CSAD: variants seen among roughly 807,000 people sequenced by gnomAD.
CSAD encodes the protein P-selectin cytoplasmic tail-associated protein.
Under a neutral mutation model 61.5 loss-of-function variants are expected in CSAD, and 47 were observed. That is an observed-to-expected ratio of 0.76 (90% CI 0.60 to 0.97). CSAD has a LOEUF of 0.97. CSAD is among the 50% of genes least tolerant of loss of function. The pLI is 0.00. For missense variants in CSAD, 611 were observed against 643.6 expected, an observed-to-expected ratio of 0.95 and a Z score of 0.55; for synonymous variants, 245 against 252.7, an observed-to-expected ratio of 0.97 and a Z score of 0.29.
chr12:53,180,394 C>T (rs1941484219), intron 1 of CSAD: 4 of 985,358 alleles, frequency 4.1e-6, no homozygotes. Flanking sequence ...GGAGTCTGAA[C>T]CAGCTCACCC....
chr12:53,160,953 A>T (rs1170341063), intron 12 of CSAD, 109 bp from the exon 13 acceptor site: 2 of 1,180,960 alleles, frequency 1.7e-6, no homozygotes, highest in East Asian at 5.1e-5. Flanking sequence ...TCTCACCCTC[A>T]CCCCAGCATC....
chr12:53,175,554 G>C (rs1207381538), intron 2 of CSAD, among the ~76,000 whole-genome samples: 9 of 152,048 alleles, frequency 5.9e-5, no homozygotes, highest in African/African-American at 1.7e-4. Context: ...TACTCTCCTG[G>C]GTGGAGAGAA....
At chr12:53,159,486 C>G (rs957802403) in intron 16 of CSAD, 137 bp downstream of exon 16, 5 of 688,064 alleles carry the variant, frequency 7.3e-6, no homozygotes, top group Admixed American at 2.7e-5. Context: ...CCACCCCTAC[C>G]GAAAAGAGAG....
At chr12:53,158,756 C>A in intron 16 of CSAD, 72 bp from the exon 17 acceptor site, 3 of 1,454,654 alleles carry the variant, frequency 2.1e-6, no homozygotes, top group Middle Eastern at 2.2e-4. Context: ...TCTTGTCCTG[C>A]CAGGCTTCCA....
Position 53,161,378 on chromosome 12 carries a change from C to T in CSAD, c.714G>A (p.Pro238=), listed in dbSNP as rs770830302. 16 of 1,612,694 alleles carry T rather than the reference C, an allele frequency of 9.9e-6. 1 individual carries two copies. Among genetic ancestry groups the T allele is most frequent in the South Asian group, 6.6e-5 (6 of 91,048 alleles). The change falls in exon 11 of 17, where the codon CCG becomes CCA. Residue 238 remains proline (P), a synonymous_variant. Coordinates refer to ENST00000444623, the MANE Select transcript of CSAD (RefSeq NM_001244705.2). ...IGMAEAEGAV[P]FLVSATSGTT... The stretch of plus-strand genomic sequence containing the variant: ...TGCCAGAGGTGGCACTGACCAGGAA[C>T]GGCACAGCACCCTGTTGCCAAAATG...
intron 6 of CSAD, 133 bp from the exon 7 acceptor site, chr12:53,172,121 T>C: frequency 2.7e-6 from 2 of 732,034 alleles, no homozygotes; most frequent in Non-Finnish European, 4.6e-6. Context: ...GAAGAACGAG[T>C]TGGTGACAGA....
At chr12:53,174,896 C>T (rs1360755120) in intron 2 of CSAD, among the ~76,000 whole-genome samples, 1 of 152,190 alleles carries the variant, frequency 6.6e-6, no homozygotes, top group Non-Finnish European at 1.5e-5. Flanking sequence ...GGTTTCCCAA[C>T]TCCTCAATCC....
At chr12:53,160,027 C>T (rs1225313799) in intron 14 of CSAD, 89 bp from the exon 15 acceptor site, 7 of 1,601,600 alleles carry the variant, frequency 4.4e-6, no homozygotes, top group East Asian at 4.5e-5. Flanking sequence ...CACAGAGAGA[C>T]CGAGAGAAAA....
chr12:53,172,786 TG>T, intron 4 of CSAD, 138 bp from the exon 5 acceptor site: 1 of 995,622 alleles, frequency 1.0e-6, no homozygotes, highest in East Asian at 2.6e-5. Context: ...ACTCTGAAAA[TG>T]AACAAGAGTA....
chr12:53,160,014 A>G, intron 14 of CSAD, 76 bp from the exon 15 acceptor site: 5 of 1,595,230 alleles, frequency 3.1e-6, no homozygotes, highest in Non-Finnish European at 4.3e-6. Context: ...ACGTAGAATG[A>G]GCCACAGAGA....
chr12:53,160,656 G>T, intron 13 of CSAD, 107 bp downstream of exon 13: 1 of 971,878 alleles, frequency 1.0e-6, no homozygotes, highest in Non-Finnish European at 1.6e-6. Flanking sequence ...GCTTCAGAAG[G>T]GATGGTAAAG....
chr12:53,169,880 C>T (rs541710220), intron 10 of CSAD, among the ~76,000 whole-genome samples, 192 bp downstream of exon 10: 24 of 152,286 alleles, frequency 1.6e-4, no homozygotes, highest in East Asian at 3.9e-4. Context: ...TCCAACCCGG[C>T]GTAGGTGTCT....
At chr12:53,170,916 T>TC (rs1940499505) in intron 8 of CSAD, 1 of 376,776 alleles carries the variant, frequency 2.7e-6, no homozygotes, top group East Asian at 6.9e-5. Flanking sequence ...AGAGGGGGTT[T>TC]CACTATGTTT....
Position 53,180,888 on chromosome 12 carries a change from T to C in CSAD, c.-247A>G. On this transcript the variant is annotated 5_prime_UTR_variant, in exon 1 of 17. Coordinates refer to ENST00000444623, the MANE Select transcript of CSAD (RefSeq NM_001244705.2). Reference sequence around the variant, plus strand: ...GCGTCGTCCGTACAGACGGCAGCGCTTCAGTAGCTCGCAAGCCGTGGGGTG... The same window carrying C: ...GCGTCGTCCGTACAGACGGCAGCGCCTCAGTAGCTCGCAAGCCGTGGGGTG... 2 of 1,168,724 alleles carry C rather than the reference T, an allele frequency of 1.7e-6. No homozygotes were observed. Among genetic ancestry groups the C allele is most frequent in the Non-Finnish European group, 2.2e-6 (2 of 924,718 alleles). The allele number at this position is 1,168,724 out of a possible 1,614,324, so 72.4% of individuals were successfully genotyped here.
At chr12:53,179,903 C>A in intron 1 of CSAD, 1 of 1,608,788 alleles carries the variant, frequency 6.2e-7, no homozygotes, top group Non-Finnish European at 8.5e-7. Flanking sequence ...GTCTGGTTTC[C>A]ATTTTCCTAA....
Position 53,180,834 on chromosome 12 carries a change from G to A in CSAD, c.-193C>T. 2 of 1,271,262 alleles carry A rather than the reference G, an allele frequency of 1.6e-6. No homozygotes were observed. The highest frequency in any genetic ancestry group is 6.5e-5 in the East Asian group (1 of 15,346). The allele number at this position is 1,271,262 out of a possible 1,614,324, so 78.7% of individuals were successfully genotyped here. On this transcript the variant is annotated 5_prime_UTR_variant, in exon 1 of 17. Coordinates refer to ENST00000444623, the MANE Select transcript of CSAD (RefSeq NM_001244705.2). ...GGGAGCCAGCGGGAGGCCGCGCCTGGCAGGTAGGAGCAAGCCCCAAAGACC... is the reference window on the plus strand; with the variant it reads ...GGGAGCCAGCGGGAGGCCGCGCCTGACAGGTAGGAGCAAGCCCCAAAGACC...
chr12:53,181,334 G>T, upstream of CSAD: 1 of 985,442 alleles, frequency 1.0e-6, no homozygotes. Flanking sequence ...CCCTAGTCTT[G>T]CCGCCTCTGT....
intron 15 of CSAD, 36 bp downstream of exon 15, chr12:53,159,851 C>A: frequency 6.4e-7 from 1 of 1,570,760 alleles, no homozygotes; most frequent in Middle Eastern, 1.7e-4. Context: ...AAGAGCTAGG[C>A]TGGGGCAGGG....
In CSAD at chr12:53,160,751, G is replaced by A. The variant is rs1051790206; in HGVS notation, c.966+12C>T. The A allele has an allele frequency of 5.2e-6, 8 of 1,549,974 alleles. No individual in the cohort carries two copies. Among genetic ancestry groups the A allele is most frequent in the Admixed American group, 2.0e-5 (1 of 50,962 alleles). ...AGAGGTGGGGCTGGTGCAGGGGCAG[G>A]GGCAGACCCACCGAGGTATCCTGGA... On this transcript the variant is annotated intron_variant, in intron 13 of 16. Coordinates refer to ENST00000444623, the MANE Select transcript of CSAD (RefSeq NM_001244705.2).
Sources: gnomAD v4.1 joint callset for allele counts (sites outside exome capture counted in the v4.1 genomes callset) on GRCh38, gnomAD v4.1.1 for gene constraint, MANE v1.5 for transcripts, NCBI Gene and HGNC (gene_info 2026-07-23, HGNC 2026-07-21) for gene names.